Variants in CABCOCO1 observed in about 807,000 individuals in gnomAD.
The protein encoded by CABCOCO1 is ciliary-associated calcium-binding coiled-coil protein 1.
In CABCOCO1, 28 loss-of-function variants were observed where a neutral mutation model predicts 35.7. The ratio of observed to expected loss-of-function variants is 0.78; its 90% confidence interval spans 0.58 to 1.07. The LOEUF is 1.07. CABCOCO1 is among the 50% of genes least tolerant of loss of function. CABCOCO1 has a pLI of 0.00. For synonymous variants in CABCOCO1, 95 were observed against 100.1 expected, an observed-to-expected ratio of 0.95 and a Z score of 0.30; for missense variants, 326 against 309.2, an observed-to-expected ratio of 1.05 and a Z score of -0.41.
intron 5 of CABCOCO1, among the ~76,000 whole-genome samples, chr10:61,706,546 G>C (rs1037963620): frequency 3.3e-5 from 5 of 152,082 alleles, no homozygotes; most frequent in Admixed American, 3.3e-4. Context: ...GAACATAGCT[G>C]CTTCCCAAAT....
chr10:61,714,508 T>C (rs951942536), intron 5 of CABCOCO1, among the ~76,000 whole-genome samples: 1 of 152,230 alleles, frequency 6.6e-6, no homozygotes, highest in African/African-American at 2.4e-5. Context: ...TGTCTCTATC[T>C]CTTTCAGTCC....
At chr10:61,750,586 T>C (rs1160710677) in intron 5 of CABCOCO1, among the ~76,000 whole-genome samples, 1 of 152,072 alleles carries the variant, frequency 6.6e-6, no homozygotes. Context: ...CAAAAACTAA[T>C]AGTAACTATC....
intron 3 of CABCOCO1, among the ~76,000 whole-genome samples, chr10:61,683,396 A>G (rs1839858033): frequency 6.6e-6 from 1 of 151,692 alleles, no homozygotes; most frequent in Admixed American, 6.6e-5. Flanking sequence ...CCCATATCTA[A>G]AAAAAAATTG....
rs146262324 is a variant in CABCOCO1 at position 61,714,624 on chromosome 10, T to A, written c.552+24003T>A. 1.1e-3 allele frequency among the ~76,000 whole-genome samples: 173 copies of A among 152,338 alleles called. 3 individuals carry two copies. The East Asian group carries it at 0.032, about 28-fold the overall frequency. Reference sequence around the variant, plus strand: ...ATGTTAGGGTGTCAATTTTAGATCTTTCCTGCTTTCTTTTGTGGGCATTTA... The same window carrying A: ...ATGTTAGGGTGTCAATTTTAGATCTATCCTGCTTTCTTTTGTGGGCATTTA... On this transcript the variant is annotated intron_variant, in intron 5 of 7. Coordinates refer to ENST00000648843, the MANE Select transcript of CABCOCO1 (RefSeq NM_001366906.2).
chr10:61,720,917 C>A (rs1422317087), intron 5 of CABCOCO1, among the ~76,000 whole-genome samples: 3 of 66,016 alleles, frequency 4.5e-5, no homozygotes, highest in East Asian at 3.8e-4. Context: ...TCTTTTCATT[C>A]TTTTTTTTTT....
chr10:61,667,081 T>C (rs1398489297), intron 1 of CABCOCO1, among the ~76,000 whole-genome samples: 2 of 143,154 alleles, frequency 1.4e-5, no homozygotes, highest in Non-Finnish European at 3.0e-5. Context: ...GTATATATTA[T>C]ATATAAATTT....
chr10:61,734,910 C>A (rs1841382569), intron 5 of CABCOCO1, among the ~76,000 whole-genome samples: 1 of 151,914 alleles, frequency 6.6e-6, no homozygotes, highest in Admixed American at 6.6e-5. Flanking sequence ...TTTGTGAGAC[C>A]AGATTAGATA....
chr10:61,745,973 A>AT (rs1374156564), intron 5 of CABCOCO1, among the ~76,000 whole-genome samples: 1 of 152,266 alleles, frequency 6.6e-6, no homozygotes, highest in East Asian at 1.9e-4. Flanking sequence ...CTGCTAATGC[A>AT]TTTTTTTAAG....
intron 5 of CABCOCO1, among the ~76,000 whole-genome samples, chr10:61,739,447 T>C (rs1472190595): frequency 6.6e-6 from 1 of 152,220 alleles, no homozygotes; most frequent in Non-Finnish European, 1.5e-5. Flanking sequence ...CATGTAAATG[T>C]TATAAACAGC....
At chr10:61,727,365 T>G (rs1013241778) in intron 5 of CABCOCO1, among the ~76,000 whole-genome samples, 3 of 152,202 alleles carry the variant, frequency 2.0e-5, no homozygotes, top group African/African-American at 7.2e-5. Flanking sequence ...ATTTCATAAA[T>G]CTCAAGAATA....
chr10:61,690,531 A>G lies in CABCOCO1; in HGVS notation c.480-18A>G, dbSNP rs774195365. The G allele has an allele frequency of 5.4e-5, 83 of 1,550,166 alleles. No individual in the cohort carries two copies. The Admixed American group carries it at 7.0e-4, about 13-fold the overall frequency. On this transcript the variant is annotated intron_variant, in intron 4 of 7. Coordinates refer to ENST00000648843, the MANE Select transcript of CABCOCO1 (RefSeq NM_001366906.2). The stretch of plus-strand genomic sequence containing the variant: ...CTGAAATCAACTTATCAGAGTGCAC[A>G]TTTATTTTATATTTCAGCTTATTTC...
chr10:61,684,908 T>G (rs912920178), intron 3 of CABCOCO1: 2 of 152,178 alleles, frequency 1.3e-5, no homozygotes, highest in African/African-American at 4.8e-5. Flanking sequence ...GGAATTATAT[T>G]TTTATTACAG....
intron 5 of CABCOCO1, among the ~76,000 whole-genome samples, chr10:61,744,422 G>A (rs1332089466): frequency 6.6e-6 from 1 of 152,056 alleles, no homozygotes; most frequent in Non-Finnish European, 1.5e-5. Context: ...AACATTTTGT[G>A]TTTCCTGGCT....
At chr10:61,741,002 C>T (rs1841537934) in intron 5 of CABCOCO1, among the ~76,000 whole-genome samples, 1 of 151,946 alleles carries the variant, frequency 6.6e-6, no homozygotes, top group South Asian at 2.1e-4. Flanking sequence ...CAAAAATTAG[C>T]TGAGTGTGGT....
At chr10:61,740,506 CTAAAA>C (rs1412160159) in intron 5 of CABCOCO1, among the ~76,000 whole-genome samples, 1 of 152,128 alleles carries the variant, frequency 6.6e-6, no homozygotes, top group Admixed American at 6.5e-5. Flanking sequence ...TTTAAGAACT[CTAAAA>C]TATATTTTTG....
At chr10:61,673,457 G>A (rs1839420682) in intron 2 of CABCOCO1, among the ~76,000 whole-genome samples, 2 of 152,102 alleles carry the variant, frequency 1.3e-5, no homozygotes, top group South Asian at 4.1e-4. Flanking sequence ...TCATGCACTA[G>A]CATCTTGGTG....
rs1564532488 is a variant in CABCOCO1 at position 61,680,591 on chromosome 10, ATGT to A, written c.165-550_165-548del. 8.1e-4 allele frequency among the ~76,000 whole-genome samples: 38 copies of A among 46,834 alleles called. 2 individuals carry two copies. Among genetic ancestry groups the A allele is most frequent in the South Asian group, 1.8e-3 (3 of 1,646 alleles). The allele number at this position is 46,834 out of a possible 152,430, so 30.7% of individuals were successfully genotyped here. On this transcript the variant is annotated intron_variant, in intron 2 of 7. Coordinates refer to ENST00000648843, the MANE Select transcript of CABCOCO1 (RefSeq NM_001366906.2). ...GTATATATTATGTTATATATAACAT[ATGT>A]TATACATGTATAACATGTTATACAT...
intron 5 of CABCOCO1, among the ~76,000 whole-genome samples, chr10:61,728,266 T>A (rs1030445101): frequency 1.3e-5 from 2 of 152,210 alleles, no homozygotes; most frequent in African/African-American, 4.8e-5. Context: ...ATAAAGTTAG[T>A]TCTTACCTAT....
intron 4 of CABCOCO1, among the ~76,000 whole-genome samples, chr10:61,690,217 A>T (rs202194860): frequency 6.6e-6 from 1 of 152,174 alleles, no homozygotes; most frequent in Non-Finnish European, 1.5e-5. Context: ...CATGTTATTT[A>T]GTAATGGTGC....
Sources: allele counts gnomAD v4.1 joint callset (sites outside exome capture counted in the v4.1 genomes callset), GRCh38; gene constraint gnomAD v4.1.1; transcripts MANE v1.5; gene names NCBI Gene and HGNC (gene_info 2026-07-23, HGNC 2026-07-21).